The following ZFR variants were observed in gnomAD, a reference collection of about 807,000 sequenced individuals.
ZFR encodes the protein zinc finger RNA-binding protein.
Under a neutral mutation model 130.7 loss-of-function variants are expected in ZFR, and 19 were observed. That is an observed-to-expected ratio of 0.15 (90% confidence interval 0.10 to 0.21). ZFR has a LOEUF of 0.21. Ranked by LOEUF, ZFR falls within the 10% of genes least tolerant of loss-of-function variation. The pLI is 1.00. For missense variants in ZFR, 872 were observed against 1,321.5 expected (o/e 0.66, Z 5.27); for synonymous variants, 466 against 456.9 (o/e 1.02, Z -0.25).
At chr5:32,358,486 C>T (rs890986553) in intron 19 of ZFR, among the ~76,000 whole-genome samples, 6 of 152,166 alleles carry the variant, frequency 3.9e-5, no homozygotes, top group Admixed American at 3.9e-4. Context: ...CGGTGAAACC[C>T]CGTCTCTACT....
In ZFR at chr5:32,403,285, G is replaced by T. The variant is rs1378961307; in HGVS notation, c.1337C>A (p.Pro446His). The T allele has an allele frequency of 6.2e-7, 1 of 1,614,182 alleles. No homozygotes were observed. The highest frequency in any genetic ancestry group is 1.3e-5 in the African/African-American group (1 of 75,048). Residue 446 changes from proline to histidine, a missense_variant, in exon 8 of 20, where the codon CCT becomes CAT. Pro to His is a moderately conservative substitution (Grantham distance 77). This residue lies in a region of ZFR where 143 missense variants were observed against 137.9 expected (regional missense o/e 1.04). Transcript: ENST00000265069. ...ACAATTGTTTGCTGCAATGCTTGAA[G>T]GAGAGGCAGTCGGCTTTGAAGCAGA... ...AVSASKPTAS[P>H]SSIAANNCTV...
At chr5:32,384,703 C>T (rs148992725) in intron 15 of ZFR, among the ~76,000 whole-genome samples, 1 of 152,146 alleles carries the variant, frequency 6.6e-6, no homozygotes, top group Non-Finnish European at 1.5e-5. Flanking sequence ...ACAACAGAAC[C>T]AACATACTGC....
Position 32,379,219 on chromosome 5 carries a change from C to T in ZFR, c.2740-9G>A. The T allele has an allele frequency of 6.2e-7, 1 of 1,610,852 alleles. No homozygotes were observed. ...AGACCATTAGCTCTAGCCTTGAGAG[C>T]AACATAAAAACCAATTGAATTAATC... On this transcript the variant is annotated splice_polypyrimidine_tract_variant and intron_variant, in intron 16 of 19. Coordinates refer to ENST00000265069, the MANE Select transcript of ZFR (RefSeq NM_016107.5).
intron 19 of ZFR, among the ~76,000 whole-genome samples, chr5:32,362,260 G>A (rs570368221): frequency 5.9e-4 from 90 of 152,204 alleles, no homozygotes; most frequent in African/African-American, 2.1e-3. Flanking sequence ...AACTATGTAC[G>A]CCTACCTATA....
At chr5:32,406,405 A>T (rs1302919815) in intron 6 of ZFR, among the ~76,000 whole-genome samples, 2 of 152,218 alleles carry the variant, frequency 1.3e-5, no homozygotes, top group African/African-American at 4.8e-5. Context: ...TAAGTTAAAG[A>T]ATTTTGAATA....
At chr5:32,356,726 A>G (rs907847517) in intron 19 of ZFR, among the ~76,000 whole-genome samples, 3 of 151,884 alleles carry the variant, frequency 2.0e-5, no homozygotes, top group Non-Finnish European at 2.9e-5. Context: ...GCCTCCAAGT[A>G]TTTTTATTAC....
At chr5:32,434,138 C>A (rs1169374237) in intron 2 of ZFR, among the ~76,000 whole-genome samples, 3 of 152,240 alleles carry the variant, frequency 2.0e-5, no homozygotes, top group African/African-American at 7.2e-5. Flanking sequence ...TATTCTGGTT[C>A]TCCTCACAGA....
chr5:32,391,784 C>T (rs915142744), intron 11 of ZFR, among the ~76,000 whole-genome samples: 1 of 151,870 alleles, frequency 6.6e-6, no homozygotes, highest in Non-Finnish European at 1.5e-5. Flanking sequence ...CTTAAATTGG[C>T]AGAGTCCCAC....
At chr5:32,385,951 A>G (rs1753038152) in intron 14 of ZFR, among the ~76,000 whole-genome samples, 1 of 152,122 alleles carries the variant, frequency 6.6e-6, no homozygotes, top group African/African-American at 2.4e-5. Context: ...TATTTATAAC[A>G]TATATTTGCA....
intron 4 of ZFR, among the ~76,000 whole-genome samples, chr5:32,416,651 CAGAT>C (rs1753833211): frequency 6.7e-6 from 1 of 149,984 alleles, no homozygotes; most frequent in Non-Finnish European, 1.5e-5. Flanking sequence ...CAGGAATAGT[CAGAT>C]AGTCACTATA....
intron 2 of ZFR, among the ~76,000 whole-genome samples, chr5:32,424,055 T>C (rs1202560124): frequency 2.6e-5 from 4 of 152,066 alleles, no homozygotes; most frequent in African/African-American, 4.8e-5. Context: ...CAAGAAAACA[T>C]GGGATCCTGC....
At chr5:32,442,589 T>G (rs1479073265) in intron 2 of ZFR, among the ~76,000 whole-genome samples, 1 of 152,242 alleles carries the variant, frequency 6.6e-6, no homozygotes, top group Non-Finnish European at 1.5e-5. Flanking sequence ...AATGCAGGCC[T>G]CATGAAAAAA....
At chr5:32,441,873 G>C (rs914511251) in intron 2 of ZFR, among the ~76,000 whole-genome samples, 1 of 152,028 alleles carries the variant, frequency 6.6e-6, no homozygotes, top group African/African-American at 2.4e-5. Context: ...CAAAAGACTA[G>C]TCTTTTCTCA....
intron 16 of ZFR, chr5:32,379,859 A>G (rs1248972738): frequency 7.2e-6 from 3 of 418,688 alleles, no homozygotes; most frequent in African/African-American, 5.9e-5. Flanking sequence ...CCCAACTACA[A>G]AACACTCCCC....
rs1195209741 is a variant in ZFR, at chr5:32,444,240, C to T, written c.126G>A (p.Ala42=). 1 of 1,585,556 alleles carries T rather than the reference C, an allele frequency of 6.3e-7. No individual in the cohort carries two copies. The highest frequency in any genetic ancestry group is 1.1e-5 in the South Asian group (1 of 86,976). ...THSGAAAAAA[A]AQYSQQPASG... ...CAGGATGCCGTTACCTATATTGGGC[C>T]GCAGCCGCCGCCGCCGCCGCCCCGC... Residue 42 remains alanine, a synonymous_variant, in exon 2 of 20, where the codon GCG becomes GCA. Coordinates refer to ENST00000265069, the MANE Select transcript of ZFR (RefSeq NM_016107.5).
chr5:32,367,714 C>A (rs115383489), intron 17 of ZFR, among the ~76,000 whole-genome samples: 1 of 152,080 alleles, frequency 6.6e-6, no homozygotes, highest in Admixed American at 6.6e-5. Flanking sequence ...AGATTACAGG[C>A]GTGAGCCACT....
chr5:32,428,205 G>A (rs1222520662), intron 2 of ZFR, among the ~76,000 whole-genome samples: 1 of 152,192 alleles, frequency 6.6e-6, no homozygotes. Context: ...CCTGAAGTCA[G>A]GAGTTCGAGA....
At chr5:32,377,365 T>A (rs1043467547) in intron 17 of ZFR, among the ~76,000 whole-genome samples, 22 of 150,972 alleles carry the variant, frequency 1.5e-4, no homozygotes, top group African/African-American at 5.3e-4. Context: ...CCTGAGTAGC[T>A]GGGATTACAG....
rs1240547445 is a variant in ZFR, at chr5:32,397,243, C to G, written c.1809G>C (p.Gly603=). ...CTTTATATTGAAGTCTGTGTCTTCG[C>G]CCTTTTAAGTGCATCTCCTTAGCAT... is the stretch of plus-strand genomic sequence containing the variant. ...DPNAKEMHLK[G]RRHRLQYKKK... is the part of the protein sequence containing the mutation. Residue 603 remains glycine (G), a synonymous_variant, in exon 10 of 20, where the codon GGG becomes GGC. Coordinates refer to ENST00000265069, the MANE Select transcript of ZFR (RefSeq NM_016107.5). 6.2e-7 allele frequency: 1 copy of G among 1,610,758 alleles called. No individual in the cohort carries two copies. Among genetic ancestry groups the G allele is most frequent in the Non-Finnish European group, 8.5e-7 (1 of 1,178,498 alleles).
Sources: gnomAD v4.1 joint callset for allele counts (sites outside exome capture counted in the v4.1 genomes callset) on GRCh38, gnomAD v4.1.1 for gene constraint, gnomAD v4.1.1 regional missense constraint, MANE v1.5 for transcripts, NCBI Gene and HGNC (gene_info 2026-07-23, HGNC 2026-07-21) for gene names.